The following PUS7L variants were observed in gnomAD, a reference collection of about 807,000 sequenced individuals.
PUS7L encodes pseudouridylate synthase PUS7L.
In PUS7L, 49 loss-of-function variants were observed where a neutral mutation model predicts 51.1. The observed-to-expected ratio is 0.96, with a 90% CI of 0.76 to 1.22. The LOEUF is 1.22. PUS7L is among the 50% of genes most tolerant of loss of function. PUS7L has a pLI of 0.00. For missense variants in PUS7L, 828 were observed against 820.6 expected, an observed-to-expected ratio of 1.01 and a Z score of -0.11; for synonymous variants, 277 against 276.2, an observed-to-expected ratio of 1.00 and a Z score of -0.03.
chr12:43,743,706 T>G (rs1490156095), intron 4 of PUS7L, among the ~76,000 whole-genome samples: 2 of 151,484 alleles, frequency 1.3e-5, no homozygotes, highest in Non-Finnish European at 2.9e-5. Flanking sequence ...GTGCTTGCAG[T>G]GAGCCGAGAT....
chr12:43,752,122 C>T (rs1938481943), intron 2 of PUS7L, among the ~76,000 whole-genome samples: 1 of 152,088 alleles, frequency 6.6e-6, no homozygotes, highest in African/African-American at 2.4e-5. Context: ...GAGTAGATTG[C>T]AAAAATTTTC....
In PUS7L at chr12:43,731,774, A is replaced by G; in HGVS notation, c.1726-16T>C. On this transcript the variant is annotated splice_polypyrimidine_tract_variant and intron_variant, in intron 7 of 8. Transcript: ENST00000344862. The stretch of plus-strand genomic sequence containing the variant: ...CCAGGTGAATCTAGTTTTAAAAAAC[A>G]TGAAAATATGAATGATTCCCAAATG... The G allele has an allele frequency of 6.8e-7, 1 of 1,477,416 alleles. No individual in the cohort carries two copies. The highest frequency in any genetic ancestry group is 9.4e-7 in the Non-Finnish European group (1 of 1,062,706). 91.5% of individuals were successfully genotyped at this position (1,477,416 alleles called of 1,614,324 possible). A position where few individuals can be genotyped will look rare whatever the true frequency, so the allele number is the denominator to read the frequency against.
chr12:43,729,498 T>C lies in PUS7L; in HGVS notation c.*878A>G. On this transcript the variant is annotated 3_prime_UTR_variant, in exon 9 of 9. Coordinates refer to ENST00000344862, the MANE Select transcript of PUS7L (RefSeq NM_031292.5). Reference sequence around the variant, plus strand: ...AAATGGTGAAGGATGATTTATAATGTGGGATAGTTAAACCAACAAAAATTA... The same window carrying C: ...AAATGGTGAAGGATGATTTATAATGCGGGATAGTTAAACCAACAAAAATTA... 1 of 313,366 alleles carries C rather than the reference T, an allele frequency of 3.2e-6. No homozygotes were observed. Among genetic ancestry groups the C allele is most frequent in the Admixed American group, 5.0e-5 (1 of 20,102 alleles). The allele number at this position is 313,366 out of a possible 1,614,324, so 19.4% of individuals were successfully genotyped here.
At chr12:43,736,286 G>A (rs1944686507) in intron 7 of PUS7L, 95 bp downstream of exon 7, 7 of 995,292 alleles carry the variant, frequency 7.0e-6, no homozygotes, top group East Asian at 4.9e-5. Context: ...TAAATTACAT[G>A]TATGTTTAAA....
rs746685618 is a variant in PUS7L at position 43,730,725 on chromosome 12, A to T, written c.1780-23T>A. 3 of 1,468,154 alleles carry T rather than the reference A, an allele frequency of 2.0e-6. No homozygotes were observed. The South Asian group carries it at 3.6e-5, about 17-fold the overall frequency. 90.9% of individuals were successfully genotyped at this position (1,468,154 alleles called of 1,614,324 possible). A position where few individuals can be genotyped will look rare whatever the true frequency, so the allele number is the denominator to read the frequency against. ...CACCTGTGAAAGAAAAGAGGGAAAA[A>T]ATATGAAAATAGCCTTCAAAAAGAT... On this transcript the variant is annotated intron_variant, in intron 8 of 8. Transcript: ENST00000344862.
At chr12:43,746,628 C>A (rs1938184762) in intron 3 of PUS7L, among the ~76,000 whole-genome samples, 1 of 152,164 alleles carries the variant, frequency 6.6e-6, no homozygotes, top group African/African-American at 2.4e-5. Context: ...GAGGATTTTC[C>A]TGAAATTCTG....
At position 43,721,457 on chromosome 12, in the gene PUS7L, T is replaced by G. The variant is rs2137639377; in HGVS notation, c.*8919A>C. 1 of 152,238 alleles carries G rather than the reference T, an allele frequency of 6.6e-6. No individual in the cohort carries two copies. The highest frequency in any genetic ancestry group is 2.4e-5 in the African/African-American group (1 of 41,564). 9.4% of individuals were successfully genotyped at this position (152,238 alleles called of 1,614,324 possible). ...ACTCTAAACTTTCTATGAGGGGAAATAACTATTTCAGAACTTTCTTGAGAT... is the reference window on the plus strand; with the variant it reads ...ACTCTAAACTTTCTATGAGGGGAAAGAACTATTTCAGAACTTTCTTGAGAT... On this transcript the variant is annotated 3_prime_UTR_variant, in exon 9 of 9. Coordinates refer to ENST00000344862, the MANE Select transcript of PUS7L (RefSeq NM_031292.5).
At position 43,724,960 on chromosome 12, in the gene PUS7L, T is replaced by C. The variant is rs573244317; in HGVS notation, c.*5416A>G. ...TAAATTCAATAAAACAATGCAATCC[T>C]ATTACATTCTAGCTACATATTATAT... On this transcript the variant is annotated 3_prime_UTR_variant, in exon 9 of 9. Transcript: ENST00000344862. 3.3e-5 allele frequency: 5 copies of C among 152,316 alleles called. No homozygotes were observed. In the East Asian group the frequency reaches 9.6e-4, roughly 29 times the overall value. 9.4% of individuals were successfully genotyped at this position (152,316 alleles called of 1,614,324 possible).
chr12:43,746,861 C>T (rs1402584879), intron 3 of PUS7L, among the ~76,000 whole-genome samples: 1 of 152,148 alleles, frequency 6.6e-6, no homozygotes, highest in Admixed American at 6.5e-5. Flanking sequence ...TAAAATCTTA[C>T]TATTACTTGA....
rs1944515505 is a variant in PUS7L, at chr12:43,730,147, AATAG to A, written c.*225_*228del. On this transcript the variant is annotated 3_prime_UTR_variant, in exon 9 of 9. Transcript: ENST00000344862. ...CAGAATAAAGGTCACTGAAACATAT[AATAG>A]AAAAAAAACACAGGCTTTGGGGTCA... 3 of 499,094 alleles carry A rather than the reference AATAG, an allele frequency of 6.0e-6. No homozygotes were observed. Among genetic ancestry groups the A allele is most frequent in the Admixed American group, 3.4e-5 (1 of 29,758 alleles). The allele number at this position is 499,094 out of a possible 1,614,324, so 30.9% of individuals were successfully genotyped here. A position where few individuals can be genotyped will look rare whatever the true frequency, so the allele number is the denominator to read the frequency against.
intron 1 of PUS7L, among the ~76,000 whole-genome samples, chr12:43,755,966 C>G (rs1202423710): frequency 6.6e-6 from 1 of 152,184 alleles, no homozygotes; most frequent in East Asian, 1.9e-4. Flanking sequence ...TGATCTCTCA[C>G]TTTTCACACA....
At chr12:43,734,699 A>G (rs150100580) in intron 7 of PUS7L, among the ~76,000 whole-genome samples, 2 of 152,264 alleles carry the variant, frequency 1.3e-5, no homozygotes, top group Non-Finnish European at 2.9e-5. Flanking sequence ...GCTAGGAGTT[A>G]GGCAGCCGGG....
rs990836560 is a variant in PUS7L at position 43,755,159 on chromosome 12, GC to G, written c.86del (p.Ser29ThrfsTer17). The G allele has an allele frequency of 6.2e-7, 1 of 1,612,818 alleles. No homozygotes were observed. Among genetic ancestry groups the G allele is most frequent in the Non-Finnish European group, 8.5e-7 (1 of 1,179,092 alleles). On this transcript the variant is annotated frameshift_variant, in exon 2 of 9. Transcript: ENST00000344862. LOFTEE classifies it high-confidence loss of function. The part of the protein sequence containing the change: ...DHVGFHGTIK[S>X]SPSDFIVIEI... ...CAATAACAATAAAGTCACTTGGTGA[GC>G]TTTTTATAGTGCCATGAAATCCAAC...
chr12:43,736,664 G>C lies in PUS7L; in HGVS notation c.1445-3C>G. The C allele has an allele frequency of 6.2e-7, 1 of 1,611,906 alleles. No individual in the cohort carries two copies. Among genetic ancestry groups the C allele is most frequent in the Non-Finnish European group, 8.5e-7 (1 of 1,178,428 alleles). ...TGAAAGTGTGCCTTTAGCATCCTCT[G>C]AAACAAAGGGTAAATCAGGTATAGT... On this transcript the variant is annotated splice_polypyrimidine_tract_variant and splice_region_variant and intron_variant, in intron 6 of 8. Transcript: ENST00000344862.
intron 6 of PUS7L, chr12:43,737,892 A>T (rs1937686820): frequency 1.2e-5 from 2 of 173,788 alleles, no homozygotes; most frequent in Non-Finnish European, 2.5e-5. Flanking sequence ...ACGTTTTAAA[A>T]ATTGACAGGG....
chr12:43,755,641 G>A (rs1313907838), intron 1 of PUS7L, among the ~76,000 whole-genome samples: 1 of 152,154 alleles, frequency 6.6e-6, no homozygotes, highest in African/African-American at 2.4e-5. Flanking sequence ...TCCATTCCTG[G>A]AGCCTAAAAT....
Position 43,755,174 on chromosome 12 carries a change from A to T in PUS7L, c.72T>A (p.His24Gln), listed in dbSNP as rs758044877. 1.9e-6 allele frequency: 3 copies of T among 1,612,766 alleles called. No homozygotes were observed. In the South Asian group the frequency reaches 3.3e-5, roughly 18 times the overall value. ...CACTTGGTGAGCTTTTTATAGTGCC[A>T]TGAAATCCAACGTGATCATTAAAGA... ...LCFFNDHVGF[H>Q]GTIKSSPSDF... The change falls in exon 2 of 9, where the codon CAT (histidine) becomes CAA (glutamine). Residue 24 changes from histidine (H) to glutamine (Q), a missense_variant. Transcript: ENST00000344862.
In PUS7L at chr12:43,738,394, T is replaced by G. The variant is rs1937719022; in HGVS notation, c.1363-3A>C. The G allele has an allele frequency of 1.3e-6, 2 of 1,527,520 alleles. No homozygotes were observed. The highest frequency in any genetic ancestry group is 2.7e-5 in the African/African-American group (2 of 72,858). 94.6% of individuals were successfully genotyped at this position (1,527,520 alleles called of 1,614,324 possible). ...AGAAACAATTTTATGGCTTTCATCTTAAAAAATCAAGCAGGTAAACATGTG... is the reference window on the plus strand; with the variant it reads ...AGAAACAATTTTATGGCTTTCATCTGAAAAAATCAAGCAGGTAAACATGTG... On this transcript the variant is annotated splice_polypyrimidine_tract_variant and splice_region_variant and intron_variant, in intron 5 of 8. Coordinates refer to ENST00000344862, the MANE Select transcript of PUS7L (RefSeq NM_031292.5).
intron 2 of PUS7L, among the ~76,000 whole-genome samples, chr12:43,750,047 A>G (rs997118171): frequency 8.5e-5 from 13 of 152,174 alleles, no homozygotes; most frequent in African/African-American, 3.1e-4. Flanking sequence ...AACTAACATA[A>G]AAATTAAAAA....
Sources: allele counts gnomAD v4.1 joint callset (sites outside exome capture counted in the v4.1 genomes callset), GRCh38; gene constraint gnomAD v4.1.1; transcripts MANE v1.5; gene names NCBI Gene and HGNC (gene_info 2026-07-23, HGNC 2026-07-21).